TAFA1: variants seen among roughly 807,000 people sequenced by gnomAD.
TAFA1 encodes the protein chemokine-like protein TAFA-1.
Under a neutral mutation model 18.5 loss-of-function variants are expected in TAFA1, and 4 were observed. That is an observed-to-expected ratio of 0.22 (90% confidence interval 0.11 to 0.49). The LOEUF is 0.49. Ranked by LOEUF, TAFA1 falls within the 20% of genes least tolerant of loss-of-function variation. The pLI is 0.98. For synonymous variants in TAFA1, 56 were observed against 55.2 expected (o/e 1.01, Z -0.06); for missense variants, 147 against 169.0 (o/e 0.87, Z 0.72).
At chr3:68,119,561 T>C (rs2065363043) in intron 2 of TAFA1, among the ~76,000 whole-genome samples, 1 of 140,522 alleles carries the variant, frequency 7.1e-6, no homozygotes, top group Admixed American at 7.2e-5. Flanking sequence ...ATATGGTAAG[T>C]GTCCAACTTC....
chr3:68,150,819 A>G (rs558592271), intron 2 of TAFA1, among the ~76,000 whole-genome samples: 70 of 152,304 alleles, frequency 4.6e-4, no homozygotes, highest in Non-Finnish European at 6.8e-4. Flanking sequence ...CAGCTTTTAA[A>G]AAACAAGATC....
chr3:68,137,972 C>T (rs766924136), intron 2 of TAFA1, among the ~76,000 whole-genome samples: 20 of 118,376 alleles, frequency 1.7e-4, no homozygotes, highest in Non-Finnish European at 2.5e-4. Context: ...GACTAATCTT[C>T]GCTACTATTT....
intron 2 of TAFA1, among the ~76,000 whole-genome samples, chr3:68,037,323 A>C (rs1011420531): frequency 6.6e-6 from 1 of 152,158 alleles, no homozygotes; most frequent in Non-Finnish European, 1.5e-5. Flanking sequence ...GGAAAGGACC[A>C]GATGTGCAGG....
intron 3 of TAFA1, among the ~76,000 whole-genome samples, chr3:68,492,134 G>C (rs1051719101): frequency 5.3e-5 from 8 of 152,192 alleles, no homozygotes; most frequent in African/African-American, 1.9e-4. Context: ...GATATTTGCT[G>C]TTGTGTACAA....
intron 2 of TAFA1, among the ~76,000 whole-genome samples, chr3:68,377,098 G>A (rs938920846): frequency 1.3e-4 from 20 of 152,070 alleles, no homozygotes; most frequent in African/African-American, 4.3e-4. Context: ...ACCCAGTCTC[G>A]GGTATTTCTT....
chr3:68,382,967 G>T (rs2070006970), intron 2 of TAFA1, among the ~76,000 whole-genome samples: 1 of 152,056 alleles, frequency 6.6e-6, no homozygotes, highest in Non-Finnish European at 1.5e-5. Context: ...TGTGGCTGTT[G>T]TGAATGTGAT....
rs545593554 is a variant in TAFA1, at chr3:68,472,386, C to T, written c.259+54966C>T. The stretch of plus-strand genomic sequence containing the variant: ...GTGGAACTGTGAGTCAATTAAGCCT[C>T]TTTCCTTTATAAATTACCCAGTCCT... On this transcript the variant is annotated intron_variant, in intron 3 of 4. Transcript: ENST00000478136. Among the ~76,000 whole-genome samples the T allele has an allele frequency of 5.3e-5, 8 of 152,200 alleles. No homozygotes were observed. In the East Asian group the frequency reaches 1.5e-3, roughly 29 times the overall value.
At chr3:68,171,827 G>A (rs937904568) in intron 2 of TAFA1, among the ~76,000 whole-genome samples, 5 of 151,952 alleles carry the variant, frequency 3.3e-5, no homozygotes, top group Admixed American at 3.3e-4. Flanking sequence ...GGCAAATCAA[G>A]TAGCTACTGG....
intron 2 of TAFA1, among the ~76,000 whole-genome samples, chr3:68,183,837 A>G (rs1240527627): frequency 6.6e-6 from 1 of 152,158 alleles, no homozygotes; most frequent in African/African-American, 2.4e-5. Flanking sequence ...CATACAAAAC[A>G]GTAGTAACTG....
At chr3:68,338,332 G>A (rs1056195359) in intron 2 of TAFA1, among the ~76,000 whole-genome samples, 1 of 152,106 alleles carries the variant, frequency 6.6e-6, no homozygotes, top group South Asian at 2.1e-4. Context: ...TACTGAATAC[G>A]TTGCCTTGTA....
chr3:68,364,856 T>C (rs535194068), intron 2 of TAFA1, among the ~76,000 whole-genome samples: 1 of 152,326 alleles, frequency 6.6e-6, no homozygotes, highest in African/African-American at 2.4e-5. Flanking sequence ...CCTCATTTTA[T>C]AAATGAAGAA....
chr3:68,483,016 C>A (rs1291352281), intron 3 of TAFA1, among the ~76,000 whole-genome samples: 1 of 152,138 alleles, frequency 6.6e-6, no homozygotes, highest in African/African-American at 2.4e-5. Flanking sequence ...TTCTTGCAAT[C>A]AACATAGGTC....
intron 3 of TAFA1, among the ~76,000 whole-genome samples, chr3:68,461,367 ATATATATATATATG>A (rs1323502270): frequency 7.1e-6 from 1 of 140,134 alleles, no homozygotes; most frequent in Non-Finnish European, 1.5e-5. Flanking sequence ...GTGCATATAT[ATATATATATATATG>A]TATGTATGTA....
intron 2 of TAFA1, among the ~76,000 whole-genome samples, chr3:68,106,879 C>T (rs2065210518): frequency 6.6e-6 from 1 of 152,072 alleles, no homozygotes; most frequent in African/African-American, 2.4e-5. Context: ...CAAGATATAA[C>T]ATTATACCTC....
chr3:68,078,355 G>A (rs1182124297), intron 2 of TAFA1, among the ~76,000 whole-genome samples: 3 of 152,150 alleles, frequency 2.0e-5, no homozygotes, highest in East Asian at 3.9e-4. Context: ...ATGTTGAATA[G>A]GAGTGGTGAG....
chr3:68,499,453 T>G lies in TAFA1; in HGVS notation c.260-39303T>G, dbSNP rs938346125. Among the ~76,000 whole-genome samples, 7 of 149,500 alleles carry G rather than the reference T, an allele frequency of 4.7e-5. No individual in the cohort carries two copies. The East Asian group carries it at 9.8e-4, about 21-fold the overall frequency. ...TTCTTTCTGTGTTCCTTTCTTTTTT[T>G]TTTTTTTTTTTGAGAAGACATGCTA... On this transcript the variant is annotated intron_variant, in intron 3 of 4. Transcript: ENST00000478136.
chr3:68,331,844 G>A (rs1367796883), intron 2 of TAFA1, among the ~76,000 whole-genome samples: 2 of 128,002 alleles, frequency 1.6e-5, no homozygotes, highest in African/African-American at 2.9e-5. Flanking sequence ...GTAAAGGATA[G>A]TCTTTTCTTT....
At chr3:68,170,818 C>A (rs1487067906) in intron 2 of TAFA1, among the ~76,000 whole-genome samples, 1 of 151,916 alleles carries the variant, frequency 6.6e-6, no homozygotes, top group African/African-American at 2.4e-5. Flanking sequence ...GCCAGTTAAG[C>A]AGAGACATAG....
At chr3:68,001,450 A>G (rs1158100078), upstream of TAFA1, among the ~76,000 whole-genome samples, 4 of 152,192 alleles carry the variant, frequency 2.6e-5, no homozygotes, top group Non-Finnish European at 5.9e-5. Flanking sequence ...GATTCAAATT[A>G]TAGTATAGAA....
Sources: gnomAD v4.1 joint callset for allele counts (sites outside exome capture counted in the v4.1 genomes callset) on GRCh38, gnomAD v4.1.1 for gene constraint, MANE v1.5 for transcripts, NCBI Gene and HGNC (gene_info 2026-07-23, HGNC 2026-07-21) for gene names.